Variants in RREB1 observed in about 807,000 individuals in gnomAD.
RREB1 encodes the protein ras-responsive element-binding protein 1.
RREB1 carries 27 observed loss-of-function variants against 117.8 expected under a neutral mutation model. The observed-to-expected ratio is 0.23, with a 90% CI of 0.17 to 0.32. The LOEUF is 0.32. RREB1 is among the 10% of genes least tolerant of loss of function. The pLI, the probability that RREB1 is intolerant of heterozygous loss-of-function variation, is 1.00. For synonymous variants in RREB1, 1,298 were observed against 1,026.7 expected, an observed-to-expected ratio of 1.26 and a Z score of -5.05; for missense variants, 2,577 against 2,378.2, an observed-to-expected ratio of 1.08 and a Z score of -1.74.
At chr6:7,211,071 T>C in intron 7 of RREB1, 123 bp downstream of exon 7, 2 of 960,720 alleles carry the variant, frequency 2.1e-6, no homozygotes, top group Non-Finnish European at 3.1e-6. Flanking sequence ...AACGTGTGTT[T>C]TCCCATACTG....
intron 2 of RREB1, among the ~76,000 whole-genome samples, chr6:7,179,161 T>C (rs1764658533): frequency 6.6e-6 from 1 of 152,252 alleles, no homozygotes; most frequent in Admixed American, 6.5e-5. Flanking sequence ...GAATTTTTTT[T>C]ATAACTTAAA....
chr6:7,128,781 C>A (rs184022389), intron 1 of RREB1, among the ~76,000 whole-genome samples: 14 of 152,150 alleles, frequency 9.2e-5, no homozygotes, highest in African/African-American at 3.4e-4. Flanking sequence ...CCAGCCTGGC[C>A]AATATGGTGA....
intron 1 of RREB1, among the ~76,000 whole-genome samples, chr6:7,173,449 C>T (rs893987875): frequency 4.6e-5 from 7 of 151,196 alleles, no homozygotes; most frequent in African/African-American, 1.5e-4. Context: ...GCCAAGATCG[C>T]GTCACTGCAC....
At chr6:7,197,041 G>C (rs979186028) in intron 6 of RREB1, among the ~76,000 whole-genome samples, 2 of 152,194 alleles carry the variant, frequency 1.3e-5, no homozygotes, top group African/African-American at 4.8e-5. Context: ...AACTGAGCCA[G>C]AGCACGCCTC....
intron 3 of RREB1, 163 bp downstream of exon 3, chr6:7,181,409 A>G (rs966320514): frequency 1.0e-5 from 4 of 401,616 alleles, no homozygotes; most frequent in African/African-American, 8.2e-5. Context: ...CAGGCTCCCC[A>G]TCAGAATCAC....
In RREB1 at chr6:7,231,531, G is replaced by C; in HGVS notation, c.3432G>C (p.Gln1144His). The change falls in exon 10 of 13, where the codon CAG (glutamine) becomes CAC (histidine). Residue 1144 changes from glutamine (Q) to histidine (H), a missense_variant. By Grantham distance (24) the Gln-to-His change is conservative. Coordinates refer to ENST00000379938, the MANE Select transcript of RREB1 (RefSeq NM_001003699.4). ...SSPEAASPTE[Q>H]GPAGTSKKRG... ...CAGAGGCTGCCTCTCCCACCGAGCA[G>C]GGCCCAGCGGGCACGTCGAAGAAGA... The C allele has an allele frequency of 6.2e-7, 1 of 1,609,330 alleles. No individual in the cohort carries two copies.
At position 7,246,715 on chromosome 6, in the gene RREB1, C is replaced by T; in HGVS notation, c.4265C>T (p.Thr1422Ile). ...CAGAGCCTGGACCTGGACTTCGCCA[C>T]CAAGCTCATGGACTTCAAGCTGGCG... The part of the protein sequence containing the change: ...SNQSLDLDFA[T>I]KLMDFKLAEG... The change falls in exon 12 of 13, where the codon ACC becomes ATC. Residue 1422 changes from threonine to isoleucine, a missense_variant. Physicochemically the swap from Thr to Ile is moderately conservative, Grantham distance 89. Transcript: ENST00000379938. 6.3e-7 allele frequency: 1 copy of T among 1,584,430 alleles called. No homozygotes were observed. Among genetic ancestry groups the T allele is most frequent in the African/African-American group, 1.3e-5 (1 of 74,288 alleles).
At chr6:7,196,901 C>G (rs968242208) in intron 6 of RREB1, among the ~76,000 whole-genome samples, 1 of 152,158 alleles carries the variant, frequency 6.6e-6, no homozygotes, top group African/African-American at 2.4e-5. Context: ...AGGTTACCAT[C>G]AAGTACAAAA....
In RREB1 at chr6:7,230,361, G is replaced by A. The variant is rs1035349911; in HGVS notation, c.2262G>A (p.Val754=). ...LVDAFCAPDT[V]CRLCGEDLKH... ...ACGCCTTCTGCGCCCCGGACACCGT[G>A]TGCCGGCTGTGCGGCGAGGACCTCA... Residue 754 remains valine (V), a synonymous_variant, in exon 10 of 13, where the codon GTG becomes GTA. Transcript: ENST00000379938. 3.8e-6 allele frequency: 6 copies of A among 1,591,956 alleles called. No individual in the cohort carries two copies. Among genetic ancestry groups the A allele is most frequent in the Non-Finnish European group, 5.1e-6 (6 of 1,174,154 alleles).
At chr6:7,109,039 G>T (rs995678391) in intron 1 of RREB1, among the ~76,000 whole-genome samples, 11 of 150,818 alleles carry the variant, frequency 7.3e-5, no homozygotes, top group Non-Finnish European at 1.5e-4. Context: ...GGGGTGGGGG[G>T]CTCGGCGCCG....
intron 8 of RREB1, among the ~76,000 whole-genome samples, chr6:7,223,834 C>T (rs1767429063): frequency 6.6e-6 from 1 of 152,186 alleles, no homozygotes; most frequent in Non-Finnish European, 1.5e-5. Flanking sequence ...CTCAGTCCTA[C>T]CTGCCTGCCT....
rs1460650898 is a variant in RREB1 at position 7,249,281 on chromosome 6, C to T, written c.*313C>T. 1 of 336,382 alleles carries T rather than the reference C, an allele frequency of 3.0e-6. No individual in the cohort carries two copies. The highest frequency in any genetic ancestry group is 2.1e-5 in the African/African-American group (1 of 47,448). 20.8% of individuals were successfully genotyped at this position (336,382 alleles called of 1,614,324 possible). On this transcript the variant is annotated 3_prime_UTR_variant, in exon 13 of 13. Coordinates refer to ENST00000379938, the MANE Select transcript of RREB1 (RefSeq NM_001003699.4). Reference sequence around the variant, plus strand: ...CAAAACAAATATTATAATGAATTGTCTGGAGAGGACCTCTTCATTTGAGCA... The same window carrying T: ...CAAAACAAATATTATAATGAATTGTTTGGAGAGGACCTCTTCATTTGAGCA...
chr6:7,169,660 C>A (rs1253472800), intron 1 of RREB1, among the ~76,000 whole-genome samples: 1 of 152,192 alleles, frequency 6.6e-6, no homozygotes, highest in East Asian at 1.9e-4. Context: ...GGAAGACATG[C>A]TCCCTGGAGA....
rs767469577 is a variant in RREB1 at position 7,246,997 on chromosome 6, A to C, written c.4547A>C (p.Glu1516Ala). Residue 1516 changes from glutamate (E) to alanine (A), a missense_variant, in exon 12 of 13, where the codon GAG becomes GCG. By Grantham distance (107) the Glu-to-Ala change is moderately radical. Transcript: ENST00000379938. Reference protein sequence around the residue: ...EVVESAPGAGEAPAEKLAEET... With the variant: ...EVVESAPGAGAAPAEKLAEET... ...GTGGAGTCGGCCCCGGGTGCCGGGG[A>C]GGCCCCGGCGGAAAAGCTCGCGGAG... 18 of 1,598,512 alleles carry C rather than the reference A, an allele frequency of 1.1e-5. No individual in the cohort carries two copies. The highest frequency in any genetic ancestry group is 8.5e-7 in the Non-Finnish European group (1 of 1,173,116).
intron 10 of RREB1, among the ~76,000 whole-genome samples, chr6:7,235,129 G>A (rs1768239073): frequency 6.6e-6 from 1 of 152,140 alleles, no homozygotes; most frequent in Non-Finnish European, 1.5e-5. Context: ...TCCTTTGCTG[G>A]GCTTCACTCT....
At chr6:7,211,840 T>A in intron 8 of RREB1, 131 bp downstream of exon 8, 1 of 971,316 alleles carries the variant, frequency 1.0e-6, no homozygotes, top group Non-Finnish European at 1.5e-6. Flanking sequence ...GGGAGGCAGT[T>A]AAGAAAGTAT....
chr6:7,136,411 G>A (rs930302370), intron 1 of RREB1, among the ~76,000 whole-genome samples: 1 of 152,148 alleles, frequency 6.6e-6, no homozygotes, highest in Non-Finnish European at 1.5e-5. Context: ...GGAGATAATA[G>A]TAAACAGGAT....
chr6:7,194,529 G>C (rs759066793), intron 6 of RREB1, among the ~76,000 whole-genome samples: 1 of 152,138 alleles, frequency 6.6e-6, no homozygotes, highest in Non-Finnish European at 1.5e-5. Context: ...CCAGCGTGGG[G>C]AACAGAAGAA....
At chr6:7,155,590 C>A (rs1216824064) in intron 1 of RREB1, among the ~76,000 whole-genome samples, 2 of 152,214 alleles carry the variant, frequency 1.3e-5, no homozygotes, top group African/African-American at 4.8e-5. Flanking sequence ...GGATTACAGG[C>A]GTGAGCCACA....
Sources: allele counts gnomAD v4.1 joint callset (sites outside exome capture counted in the v4.1 genomes callset), GRCh38; gene constraint gnomAD v4.1.1; transcripts MANE v1.5; gene names NCBI Gene and HGNC (gene_info 2026-07-23, HGNC 2026-07-21).